ZFP30: variants seen among roughly 807,000 people sequenced by gnomAD.
The protein encoded by ZFP30 is zinc finger protein 30 homolog.
ZFP30 carries 16 observed loss-of-function variants against 12.3 expected under a neutral mutation model. That is an observed-to-expected ratio of 1.30 (90% CI 0.88 to 1.98). The LOEUF (loss-of-function observed/expected upper bound fraction) is 1.98, where lower values mean the gene tolerates loss of function less well. Ranked by LOEUF, ZFP30 falls within the 30% of genes most tolerant of loss-of-function variation. The probability of loss-of-function intolerance (pLI) is 0.00; values close to 1 mark genes in which losing one functional copy is unlikely to be tolerated. For missense variants in ZFP30, 560 were observed against 611.2 expected (o/e 0.92, Z 0.88); for synonymous variants, 172 against 201.0 (o/e 0.86, Z 1.22).
chr19:37,641,231 C>T (rs2044428623), intron 5 of ZFP30, among the ~76,000 whole-genome samples: 1 of 152,230 alleles, frequency 6.6e-6, no homozygotes, highest in South Asian at 2.1e-4. Flanking sequence ...TACCCTCTCT[C>T]TCTACTTCAT....
intron 4 of ZFP30, among the ~76,000 whole-genome samples, chr19:37,644,046 A>G (rs1817662004): frequency 6.6e-6 from 1 of 152,208 alleles, no homozygotes; most frequent in Non-Finnish European, 1.5e-5. Context: ...TGGACCATCC[A>G]TAGCAGTATG....
At chr19:37,639,204 CAAAT>C (rs1054950257) in intron 5 of ZFP30, among the ~76,000 whole-genome samples, 5 of 151,606 alleles carry the variant, frequency 3.3e-5, no homozygotes, top group African/African-American at 1.2e-4. Flanking sequence ...CTCAATAAGA[CAAAT>C]AAGATATAAG....
chr19:37,649,696 C>A (rs2044610616), intron 2 of ZFP30, among the ~76,000 whole-genome samples: 1 of 151,680 alleles, frequency 6.6e-6, no homozygotes, highest in East Asian at 1.9e-4. Context: ...TGGTGGTGCA[C>A]ACCTGTGGTC....
At chr19:37,641,697 T>C (rs920229775) in intron 5 of ZFP30, among the ~76,000 whole-genome samples, 1 of 152,192 alleles carries the variant, frequency 6.6e-6, no homozygotes, top group African/African-American at 2.4e-5. Context: ...TTATTAAATA[T>C]CATCAAAAGT....
chr19:37,637,848 T>C (rs1471250013), intron 5 of ZFP30, among the ~76,000 whole-genome samples: 6 of 152,168 alleles, frequency 3.9e-5, no homozygotes, highest in Non-Finnish European at 8.8e-5. Flanking sequence ...TCTCCACTTA[T>C]TATTCTCTTT....
Position 37,635,377 on chromosome 19 carries a change from C to G in ZFP30, c.1164G>C (p.Gln388His). The G allele has an allele frequency of 2.5e-6, 4 of 1,613,836 alleles. No homozygotes were observed. Among genetic ancestry groups the G allele is most frequent in the Non-Finnish European group, 3.4e-6 (4 of 1,179,960 alleles). ...GTTCTGAGTAACGACGAAAGAACTT[C>G]TGACATTCCTTACATTCATAGGGCT... ...GEKPYECKECQKFFRRYSELI... is the reference protein window; with the variant it reads ...GEKPYECKECHKFFRRYSELI... Residue 388 changes from glutamine (Q) to histidine (H), a missense_variant, in exon 6 of 6, where the codon CAG becomes CAC. Transcript: ENST00000684514.
intron 2 of ZFP30, among the ~76,000 whole-genome samples, chr19:37,651,246 C>T (rs1056730119): frequency 5.9e-5 from 9 of 151,882 alleles, no homozygotes; most frequent in Middle Eastern, 3.2e-3. Flanking sequence ...TTCATTTCCC[C>T]GAATCATGTA....
rs950693751 is a variant in ZFP30, at chr19:37,632,249, G to A, written c.*2732C>T. The A allele has an allele frequency of 2.0e-5, 3 of 151,560 alleles. No individual in the cohort carries two copies. The highest frequency in any genetic ancestry group is 7.3e-5 in the African/African-American group (3 of 41,242). 9.4% of individuals were successfully genotyped at this position (151,560 alleles called of 1,614,324 possible). A position where few individuals can be genotyped will look rare whatever the true frequency, so the allele number is the denominator to read the frequency against. On this transcript the variant is annotated 3_prime_UTR_variant, in exon 6 of 6. Coordinates refer to ENST00000684514, the MANE Select transcript of ZFP30 (RefSeq NM_001320669.3). Reference sequence around the variant, plus strand: ...TAATTTTTACCATAAAATAATTCTGGATTTTCAATATTTTAAAATACATGT... The same window carrying A: ...TAATTTTTACCATAAAATAATTCTGAATTTTCAATATTTTAAAATACATGT...
At chr19:37,643,209 C>T (rs2044472763) in intron 5 of ZFP30, 56 bp downstream of exon 5, 2 of 1,432,990 alleles carry the variant, frequency 1.4e-6, no homozygotes, top group East Asian at 2.4e-5. Context: ...GTCTCCTCCT[C>T]AACCAGCAGG....
intron 5 of ZFP30, among the ~76,000 whole-genome samples, chr19:37,641,833 A>G (rs1190708898): frequency 6.6e-6 from 1 of 152,182 alleles, no homozygotes; most frequent in Non-Finnish European, 1.5e-5. Context: ...AGGTTTTCCT[A>G]TCATTTATTT....
chr19:37,648,136 GACA>G (rs1454989114), intron 2 of ZFP30, among the ~76,000 whole-genome samples: 6 of 152,316 alleles, frequency 3.9e-5, no homozygotes, highest in Admixed American at 1.3e-4. Flanking sequence ...CATATGTCTA[GACA>G]CTTCAGCAGG....
Position 37,634,706 on chromosome 19 carries a change from A to G in ZFP30, c.*275T>C, listed in dbSNP as rs1378983810. The G allele has an allele frequency of 2.5e-5, 8 of 317,410 alleles. 1 individual carries two copies. Among genetic ancestry groups the G allele is most frequent in the Non-Finnish European group, 4.6e-5 (8 of 174,810 alleles). 19.7% of individuals were successfully genotyped at this position (317,410 alleles called of 1,614,324 possible). ...CGTGTGTATATACACAGATGGAAGA[A>G]TATGGAGATAATAATAGGTAAGATC... On this transcript the variant is annotated 3_prime_UTR_variant, in exon 6 of 6. Transcript: ENST00000684514.
At chr19:37,645,316 G>A (rs993781120) in intron 3 of ZFP30, among the ~76,000 whole-genome samples, 2 of 152,102 alleles carry the variant, frequency 1.3e-5, no homozygotes, top group African/African-American at 4.8e-5. Context: ...GATGTGGGAA[G>A]GTGGCAATAA....
intron 2 of ZFP30, among the ~76,000 whole-genome samples, chr19:37,652,864 T>C (rs1476993498): frequency 6.6e-6 from 1 of 152,028 alleles, no homozygotes; most frequent in Non-Finnish European, 1.5e-5. Context: ...ACGCCTGTAA[T>C]CCCAACACTT....
chr19:37,646,741 A>AGTTTT (rs137898254), intron 3 of ZFP30, among the ~76,000 whole-genome samples: 1 of 151,924 alleles, frequency 6.6e-6, no homozygotes, highest in South Asian at 2.1e-4. Flanking sequence ...ACATCTGGCC[A>AGTTTT]GTTTTGTTTT....
chr19:37,641,387 T>C (rs1273649074), intron 5 of ZFP30, among the ~76,000 whole-genome samples: 1 of 152,230 alleles, frequency 6.6e-6, no homozygotes, highest in Non-Finnish European at 1.5e-5. Context: ...CTTATTTTCA[T>C]CATTGCCTCA....
chr19:37,641,669 C>G (rs1319986426), intron 5 of ZFP30, among the ~76,000 whole-genome samples: 2 of 152,132 alleles, frequency 1.3e-5, no homozygotes, highest in African/African-American at 2.4e-5. Flanking sequence ...ATACCATTAT[C>G]CAAACCCAAA....
intron 5 of ZFP30, among the ~76,000 whole-genome samples, chr19:37,640,211 G>T (rs118105667): frequency 0.032 from 4,939 of 152,076 alleles, 118 homozygotes; most frequent in Non-Finnish European, 0.053. Flanking sequence ...CTACTTCAAA[G>T]AAGTTGAAAT....
rs1034462040 is a variant in ZFP30 at position 37,655,433 on chromosome 19, T to C, written c.-259A>G. The C allele has an allele frequency of 1.3e-5, 2 of 152,354 alleles. No individual in the cohort carries two copies. Among genetic ancestry groups the C allele is most frequent in the African/African-American group, 2.4e-5 (1 of 41,462 alleles). 9.4% of individuals were successfully genotyped at this position (152,354 alleles called of 1,614,324 possible). ...CCCCAGCCTCACCCGACTCAGAGGA[T>C]AGCCCAGCCCTGGGAGTCAGCGGCG... On this transcript the variant is annotated 5_prime_UTR_variant, in exon 1 of 6. Coordinates refer to ENST00000684514, the MANE Select transcript of ZFP30 (RefSeq NM_001320669.3).
Sources: allele counts gnomAD v4.1 joint callset (sites outside exome capture counted in the v4.1 genomes callset), GRCh38; gene constraint gnomAD v4.1.1; transcripts MANE v1.5; gene names NCBI Gene and HGNC (gene_info 2026-07-23, HGNC 2026-07-21).